Variants in MAP2 observed in about 807,000 individuals in gnomAD.
MAP2 encodes microtubule associated protein 2, also known as microtubule-associated protein 2.
In MAP2, 14 loss-of-function variants were observed where a neutral mutation model predicts 137.6. The observed-to-expected ratio is 0.10, with a 90% CI of 0.07 to 0.16. The LOEUF is 0.16. MAP2 is among the 10% of genes least tolerant of loss of function. The pLI is 1.00. For missense variants in MAP2, 2,088 were observed against 2,191.5 expected, an observed-to-expected ratio of 0.95 and a Z score of 0.94; for synonymous variants, 786 against 782.3, an observed-to-expected ratio of 1.00 and a Z score of -0.08.
intron 3 of MAP2, among the ~76,000 whole-genome samples, chr2:209,610,666 C>G (rs779303255): frequency 6.6e-6 from 1 of 152,084 alleles, no homozygotes; most frequent in Non-Finnish European, 1.5e-5. Context: ...TTGTGAAGAA[C>G]TATTCTTTCC....
intron 1 of MAP2, among the ~76,000 whole-genome samples, chr2:209,441,952 A>G (rs530827572): frequency 1.3e-5 from 2 of 151,754 alleles, no homozygotes; most frequent in East Asian, 3.9e-4. Flanking sequence ...TTTTAGCACA[A>G]TGTAGTCAGT....
At position 209,693,243 on chromosome 2, in the gene MAP2, G is replaced by T. The variant is rs1242589170; in HGVS notation, c.1073G>T (p.Gly358Val). The T allele has an allele frequency of 6.2e-7, 1 of 1,613,926 alleles. No homozygotes were observed. Among genetic ancestry groups the T allele is most frequent in the East Asian group, 2.2e-5 (1 of 44,872 alleles). Residue 358 changes from glycine (G) to valine (V), a missense_variant, in exon 8 of 16, where the codon GGC (glycine) becomes GTC (valine). Coordinates refer to ENST00000682079, the MANE Select transcript of MAP2 (RefSeq NM_001375505.1). ...AAAAAATCTCTGCAACAAACCAGTG[G>T]CCCAGCTACTGCCAAAGATAGTTTT... ...DDKKSLQQTS[G>V]PATAKDSFKI... is the part of the protein sequence containing the mutation.
Position 209,693,520 on chromosome 2 carries a change from T to C in MAP2, c.1350T>C (p.Ile450=), listed in dbSNP as rs2059470476. The C allele has an allele frequency of 1.2e-6, 2 of 1,610,260 alleles. No individual in the cohort carries two copies. The highest frequency in any genetic ancestry group is 4.5e-5 in the East Asian group (2 of 44,846). ...TGAAGCTTGAAGAAAAAACCACCAT[T>C]TCTGACAAAGAAGCTGTGCCAAAAG... The part of the protein sequence containing the change: ...TELKLEEKTT[I]SDKEAVPKES... The change falls in exon 8 of 16, where the codon ATT becomes ATC. Residue 450 remains isoleucine, a synonymous_variant. Coordinates refer to ENST00000682079, the MANE Select transcript of MAP2 (RefSeq NM_001375505.1).
rs1329186959 is a variant in MAP2 at position 209,695,286 on chromosome 2, A to G, written c.3116A>G (p.Asp1039Gly). ...TCCAAAAAGGTGGAACAAGGTCTGGATTTTGCTGTCCAGGGTCAACTAGAT... is the reference window on the plus strand; with the variant it reads ...TCCAAAAAGGTGGAACAAGGTCTGGGTTTTGCTGTCCAGGGTCAACTAGAT... ...EPSKKVEQGL[D>G]FAVQGQLDVK... The change falls in exon 8 of 16, where the codon GAT (aspartate) becomes GGT (glycine). Residue 1039 changes from aspartate to glycine, a missense_variant. Physicochemically the swap from Asp to Gly is moderately conservative, Grantham distance 94 (BLOSUM62 -1). Transcript: ENST00000682079. 1 of 1,613,968 alleles carries G rather than the reference A, an allele frequency of 6.2e-7. No individual in the cohort carries two copies. Among genetic ancestry groups the G allele is most frequent in the Admixed American group, 1.7e-5 (1 of 60,002 alleles).
In MAP2 at chr2:209,695,867, C is replaced by G. The variant is rs755403086; in HGVS notation, c.3697C>G (p.Gln1233Glu). The G allele has an allele frequency of 1.5e-5, 24 of 1,614,068 alleles. No homozygotes were observed. In the South Asian group the frequency reaches 2.3e-4, roughly 16 times the overall value. ...GATCGTATCTGAACCAGCAGAGATT[C>G]AGAGTGAGGAAGAAGAGATAGAAGC... ...ETIVSEPAEIQSEEEEIEAQG... is the reference protein window; with the variant it reads ...ETIVSEPAEIESEEEEIEAQG... Residue 1233 changes from glutamine to glutamate, a missense_variant, in exon 8 of 16, where the codon CAG becomes GAG. Physicochemically the swap from Gln to Glu is conservative, Grantham distance 29. Around this residue, in one of 6 missense-constraint regions of MAP2, gnomAD observed 591 missense variants for 642.6 expected, o/e 0.92. Coordinates refer to ENST00000682079, the MANE Select transcript of MAP2 (RefSeq NM_001375505.1).
chr2:209,506,865 T>C (rs780864505), intron 1 of MAP2, among the ~76,000 whole-genome samples: 4 of 152,194 alleles, frequency 2.6e-5, no homozygotes, highest in Non-Finnish European at 5.9e-5. Context: ...TGTGTCAGTC[T>C]GTGCAGACTG....
chr2:209,463,763 T>C (rs554387989), intron 1 of MAP2, among the ~76,000 whole-genome samples: 1 of 152,214 alleles, frequency 6.6e-6, no homozygotes, highest in Non-Finnish European at 1.5e-5. Context: ...CTATGGTAGT[T>C]GTCTCGTCCC....
At position 209,692,606 on chromosome 2, in the gene MAP2, A is replaced by G; in HGVS notation, c.455-19A>G. ...GCACTTGCCTATTATTTGTTTAAAA[A>G]TCAACCCGATTACTTCAGATTTACT... On this transcript the variant is annotated intron_variant, in intron 7 of 15. Transcript: ENST00000682079. 1 of 1,533,774 alleles carries G rather than the reference A, an allele frequency of 6.5e-7. No individual in the cohort carries two copies.
At chr2:209,463,169 A>C (rs1703278119) in intron 1 of MAP2, among the ~76,000 whole-genome samples, 1 of 152,208 alleles carries the variant, frequency 6.6e-6, no homozygotes. Flanking sequence ...AAGAAATGGC[A>C]AAAATTGTTT....
At chr2:209,666,550 A>C (rs558287771) in intron 5 of MAP2, among the ~76,000 whole-genome samples, 83 of 152,066 alleles carry the variant, frequency 5.5e-4, no homozygotes, top group Non-Finnish European at 1.0e-3. Context: ...ATGTGTTATG[A>C]AATGCTCTGC....
At chr2:209,551,815 T>A (rs1379239063) in intron 2 of MAP2, among the ~76,000 whole-genome samples, 1 of 152,192 alleles carries the variant, frequency 6.6e-6, no homozygotes, top group Non-Finnish European at 1.5e-5. Context: ...ATGCTGTTAC[T>A]TTGTACACAT....
chr2:209,592,856 C>T (rs377391994), intron 3 of MAP2, among the ~76,000 whole-genome samples: 3 of 152,026 alleles, frequency 2.0e-5, no homozygotes, highest in South Asian at 2.1e-4. Flanking sequence ...TTGCTATTCT[C>T]GCCTCTGTTC....
intron 4 of MAP2, among the ~76,000 whole-genome samples, chr2:209,646,378 A>G (rs1002475395): frequency 1.3e-5 from 2 of 152,230 alleles, no homozygotes; most frequent in African/African-American, 4.8e-5. Context: ...GCCTATGGGC[A>G]AGTCCAAATT....
At chr2:209,426,316 AAAT>A (rs1692562978) in intron 1 of MAP2, among the ~76,000 whole-genome samples, 2 of 152,162 alleles carry the variant, frequency 1.3e-5, no homozygotes, top group South Asian at 2.1e-4. Context: ...ACCTTTTATA[AAAT>A]AATATTTTAG....
At chr2:209,597,495 C>T (rs2081594344) in intron 3 of MAP2, among the ~76,000 whole-genome samples, 1 of 152,182 alleles carries the variant, frequency 6.6e-6, no homozygotes, top group Non-Finnish European at 1.5e-5. Context: ...ACTCTAATGA[C>T]TGCAACAGCT....
chr2:209,467,455 T>G (rs1482899309), intron 1 of MAP2, among the ~76,000 whole-genome samples: 2 of 152,164 alleles, frequency 1.3e-5, no homozygotes, highest in Non-Finnish European at 2.9e-5. Flanking sequence ...TAGATTTGTC[T>G]CTTCCTACTA....
At position 209,695,360 on chromosome 2, in the gene MAP2, G is replaced by A; in HGVS notation, c.3190G>A (p.Asp1064Asn). 1.2e-6 allele frequency: 2 copies of A among 1,613,798 alleles called. No homozygotes were observed. Among genetic ancestry groups the A allele is most frequent in the East Asian group, 2.2e-5 (1 of 44,866 alleles). Residue 1064 changes from aspartate to asparagine, a missense_variant, in exon 8 of 16, where the codon GAT (aspartate) becomes AAT (asparagine). Physicochemically the swap from Asp to Asn is conservative, Grantham distance 23. Coordinates refer to ENST00000682079, the MANE Select transcript of MAP2 (RefSeq NM_001375505.1). ...GATGGCTTCAGGGCTAAACATAGATGATAGAAGGGCAACAGAGCTAAAACT... is the reference window on the plus strand; with the variant it reads ...GATGGCTTCAGGGCTAAACATAGATAATAGAAGGGCAACAGAGCTAAAACT... ...GQMASGLNIDDRRATELKLEA... is the reference protein window; with the variant it reads ...GQMASGLNIDNRRATELKLEA...
chr2:209,463,520 A>G (rs866096458), intron 1 of MAP2, among the ~76,000 whole-genome samples: 1 of 152,158 alleles, frequency 6.6e-6, no homozygotes, highest in Non-Finnish European at 1.5e-5. Context: ...TGAATTTGTA[A>G]AAGTTGAAAT....
At chr2:209,615,788 T>G (rs1292731464) in intron 3 of MAP2, among the ~76,000 whole-genome samples, 1 of 152,186 alleles carries the variant, frequency 6.6e-6, no homozygotes, top group Non-Finnish European at 1.5e-5. Context: ...TTAGTGCGCT[T>G]TCCTCTGATT....
Sources: allele counts gnomAD v4.1 joint callset (sites outside exome capture counted in the v4.1 genomes callset), GRCh38; gene constraint gnomAD v4.1.1; regional missense constraint gnomAD v4.1.1; transcripts MANE v1.5; gene names NCBI Gene and HGNC (gene_info 2026-07-23, HGNC 2026-07-21).